AFAP1: variants seen among roughly 807,000 people sequenced by gnomAD.
The protein encoded by AFAP1 is actin filament associated protein 1, also known as actin filament-associated protein 1.
A neutral mutation model predicts 93.9 loss-of-function variants in AFAP1; 75 were observed. That is an observed-to-expected ratio of 0.80 (90% CI 0.66 to 0.97). The LOEUF is 0.97. AFAP1 is among the 50% of genes least tolerant of loss of function. AFAP1 has a pLI of 0.00. For missense variants in AFAP1, 1,201 were observed against 1,050.8 expected (o/e 1.14, Z -1.98); for synonymous variants, 517 against 430.7 (o/e 1.20, Z -2.48).
intron 1 of AFAP1, among the ~76,000 whole-genome samples, chr4:7,920,322 T>C (rs1720373007): frequency 6.6e-6 from 1 of 152,212 alleles, no homozygotes; most frequent in African/African-American, 2.4e-5. Context: ...AATATATTTA[T>C]ATACACACAC....
At chr4:7,842,495 TA>T (rs1033658086) in intron 5 of AFAP1, among the ~76,000 whole-genome samples, 5 of 151,044 alleles carry the variant, frequency 3.3e-5, no homozygotes, top group African/African-American at 7.3e-5. Flanking sequence ...CCATGGTTTC[TA>T]AAAAAAAGGC....
At chr4:7,898,414 G>T (rs2149214476) in intron 1 of AFAP1, among the ~76,000 whole-genome samples, 1 of 151,322 alleles carries the variant, frequency 6.6e-6, no homozygotes. Context: ...ATCTCAGAAG[G>T]GGAAAAAAAA....
At chr4:7,766,389 C>G (rs530411212) in intron 17 of AFAP1, among the ~76,000 whole-genome samples, 1 of 152,170 alleles carries the variant, frequency 6.6e-6, no homozygotes, top group Admixed American at 6.5e-5. Context: ...AGAGGGAGGA[C>G]CCCATGTTAC....
At chr4:7,864,167 A>AACTTCCCATCACAACGCATTCCCAACTT (rs1577313455) in intron 3 of AFAP1, among the ~76,000 whole-genome samples, 13 of 125,716 alleles carry the variant, frequency 1.0e-4, no homozygotes, top group Non-Finnish European at 1.4e-4. Flanking sequence ...ATCACAACCC[A>AACTTCCCATCACAACGCATTCCCAACTT]CAGGTCCTTT....
chr4:7,939,505 G>T lies in AFAP1; in HGVS notation c.-3+151C>A. 3.0e-6 allele frequency: 1 copy of T among 329,902 alleles called. No individual in the cohort carries two copies. Among genetic ancestry groups the T allele is most frequent in the South Asian group, 2.2e-5 (1 of 46,082 alleles). 20.4% of individuals were successfully genotyped at this position (329,902 alleles called of 1,614,324 possible). On this transcript the variant is annotated intron_variant, in intron 1 of 17. Coordinates refer to ENST00000420658, the MANE Select transcript of AFAP1 (RefSeq NM_001134647.2). The surrounding 1 kb of genome is among the most constrained non-coding windows in gnomAD (Gnocchi z 5.6). ...CCGCGCGGGCCCACGCGGCGTCGCAGCAGGCGCGGAGCCCCCGGTACCACC... is the reference window on the plus strand; with the variant it reads ...CCGCGCGGGCCCACGCGGCGTCGCATCAGGCGCGGAGCCCCCGGTACCACC...
At chr4:7,836,371 G>A (rs1164512122) in intron 6 of AFAP1, among the ~76,000 whole-genome samples, 4 of 152,196 alleles carry the variant, frequency 2.6e-5, no homozygotes, top group South Asian at 2.1e-4. Flanking sequence ...GCAGCTCTAC[G>A]GAGACAGAAA....
At chr4:7,868,852 T>C in intron 2 of AFAP1, 133 bp from the exon 3 acceptor site, 1 of 738,840 alleles carries the variant, frequency 1.4e-6, no homozygotes, top group Non-Finnish European at 2.2e-6. Flanking sequence ...TTTACAACAG[T>C]CCTGCAAGGT....
intron 3 of AFAP1, among the ~76,000 whole-genome samples, chr4:7,863,503 T>C (rs1715989002): frequency 6.6e-6 from 1 of 152,222 alleles, no homozygotes; most frequent in African/African-American, 2.4e-5. Flanking sequence ...ATGCATATTT[T>C]AGCCTATCCG....
rs201886061 is a variant in AFAP1 at position 7,780,199 on chromosome 4, G to A, written c.1782+1177C>T. On this transcript the variant is annotated intron_variant, in intron 13 of 17. Coordinates refer to ENST00000420658, the MANE Select transcript of AFAP1 (RefSeq NM_001134647.2). Reference sequence around the variant, plus strand: ...AGAGGCCAACGGCTCCCCTACCCCCGGTCCCCAACTACACTTAGCTCAGGG... The same window carrying A: ...AGAGGCCAACGGCTCCCCTACCCCCAGTCCCCAACTACACTTAGCTCAGGG... Among the ~76,000 whole-genome samples the A allele has an allele frequency of 3.3e-5, 5 of 152,246 alleles. No individual in the cohort carries two copies. In the East Asian group the frequency reaches 9.6e-4, roughly 29 times the overall value.
rs1188927456 is a variant in AFAP1, at chr4:7,843,134, C to G, written c.546+5G>C. 1 of 1,613,222 alleles carries G rather than the reference C, an allele frequency of 6.2e-7. No individual in the cohort carries two copies. The highest frequency in any genetic ancestry group is 8.5e-7 in the Non-Finnish European group (1 of 1,179,652). ...AAAAAATGCAAGCGATTCCAAATGT[C>G]TTACCAGCAGTTTGGTGTCTTTGAT... On this transcript the variant is annotated splice_donor_5th_base_variant and intron_variant, in intron 5 of 17. Coordinates refer to ENST00000420658, the MANE Select transcript of AFAP1 (RefSeq NM_001134647.2).
At chr4:7,769,470 G>T (rs890901610) in intron 16 of AFAP1, among the ~76,000 whole-genome samples, 3 of 152,232 alleles carry the variant, frequency 2.0e-5, no homozygotes, top group Non-Finnish European at 4.4e-5. Flanking sequence ...CACTGCGCGG[G>T]GCTCGCTGGA....
intron 11 of AFAP1, chr4:7,788,792 T>TGCC (rs1553827609): frequency 6.6e-6 from 1 of 151,872 alleles, no homozygotes; most frequent in African/African-American, 2.4e-5. Flanking sequence ...ACAGGGACCA[T>TGCC]CCCCTCCCCT....
intron 3 of AFAP1, among the ~76,000 whole-genome samples, chr4:7,862,768 C>A (rs370952595): frequency 1.3e-5 from 2 of 152,120 alleles, no homozygotes; most frequent in Non-Finnish European, 2.9e-5. Flanking sequence ...GAAAATATGT[C>A]CAGAAAATGC....
intron 9 of AFAP1, among the ~76,000 whole-genome samples, chr4:7,802,953 A>G (rs1404360320): frequency 6.6e-6 from 1 of 152,232 alleles, no homozygotes; most frequent in African/African-American, 2.4e-5. Flanking sequence ...TTTAAAAAGA[A>G]AAAAGAAACC....
At chr4:7,784,795 G>A (rs1263750351) in intron 12 of AFAP1, among the ~76,000 whole-genome samples, 1 of 152,138 alleles carries the variant, frequency 6.6e-6, no homozygotes, top group Non-Finnish European at 1.5e-5. Flanking sequence ...AGCACTGGGG[G>A]TCCTCAGCCC....
intron 6 of AFAP1, among the ~76,000 whole-genome samples, chr4:7,828,432 G>C (rs936676128): frequency 2.6e-5 from 4 of 152,224 alleles, no homozygotes; most frequent in African/African-American, 7.2e-5. Flanking sequence ...TCTTTCAGCA[G>C]ACACAGGAAG....
chr4:7,838,415 A>C, intron 6 of AFAP1, 109 bp downstream of exon 6: 1 of 1,291,308 alleles, frequency 7.7e-7, no homozygotes, highest in Non-Finnish European at 1.0e-6. Flanking sequence ...CTTTGGGTGA[A>C]TCCATCTTGC....
intron 1 of AFAP1, among the ~76,000 whole-genome samples, chr4:7,887,359 A>T (rs1718195621): frequency 6.6e-6 from 1 of 152,224 alleles, no homozygotes. Flanking sequence ...CAAGTTAGAG[A>T]CAAGCAGTAC....
chr4:7,792,223 C>T (rs1270136292), intron 11 of AFAP1, among the ~76,000 whole-genome samples: 3 of 152,136 alleles, frequency 2.0e-5, no homozygotes, highest in Non-Finnish European at 2.9e-5. Context: ...GCCATGGAGT[C>T]GGAAAGCAGA....
Sources: gnomAD v4.1 joint callset for allele counts (sites outside exome capture counted in the v4.1 genomes callset) on GRCh38, gnomAD v4.1.1 for gene constraint, Gnocchi (gnomAD v3.1) non-coding constraint, MANE v1.5 for transcripts, NCBI Gene and HGNC (gene_info 2026-07-23, HGNC 2026-07-21) for gene names.